Variants in MTFMT observed in about 807,000 individuals in gnomAD.
MTFMT encodes methionyl-tRNA formyltransferase, mitochondrial.
MTFMT carries 47 observed loss-of-function variants against 51.8 expected under a neutral mutation model. That is an observed-to-expected ratio of 0.91 (90% CI 0.72 to 1.16). The LOEUF is 1.16. Among genes scored for constraint, MTFMT ranks in the 50% most tolerant of loss-of-function variants. The pLI is 0.00. For synonymous variants in MTFMT, 196 were observed against 176.7 expected (o/e 1.11, Z -0.87); for missense variants, 512 against 482.3 (o/e 1.06, Z -0.58).
rs539067386 is a variant in MTFMT at position 65,018,195 on chromosome 15, T to C, written c.722-1668A>G. On this transcript the variant is annotated intron_variant, in intron 5 of 8. Transcript: ENST00000220058. The stretch of plus-strand genomic sequence containing the variant: ...AAAAAAAACAACTGAAACTTAACTA[T>C]GTATGAAACTAGGTAACAAAACCAC... 7.3e-5 allele frequency among the ~76,000 whole-genome samples: 11 copies of C among 151,322 alleles called. 1 individual carries two copies. In the Middle Eastern group the frequency reaches 0.014, roughly 187 times the overall value.
At chr15:65,018,353 T>C (rs2086341481) in intron 5 of MTFMT, among the ~76,000 whole-genome samples, 1 of 152,212 alleles carries the variant, frequency 6.6e-6, no homozygotes. Flanking sequence ...TTACTCTTAG[T>C]AGTAATATTG....
chr15:65,003,866 A>AAAAAAAAAAAAAAAAAAAAAAAT, intron 8 of MTFMT, among the ~76,000 whole-genome samples: 1 of 147,852 alleles, frequency 6.8e-6, no homozygotes, highest in Non-Finnish European at 1.5e-5. Flanking sequence ...AAAAAAAAAA[A>AAAAAAAAAAAAAAAAAAAAAAAT]GGGAAATACA....
Position 65,004,890 on chromosome 15 carries a change from G to A in MTFMT, c.939C>T (p.Tyr313=). ...GQALIPGSVI[Y]HKQSQILLVY... ...CCAATAGTATTTGTGACTGTTTGTG[G>A]TATATTACTGATCCTGGAATAAGAG... The change falls in exon 8 of 9, where the codon TAC becomes TAT. Residue 313 remains tyrosine, a synonymous_variant. Transcript: ENST00000220058. 3 of 1,611,116 alleles carry A rather than the reference G, an allele frequency of 1.9e-6. No homozygotes were observed. The highest frequency in any genetic ancestry group is 2.5e-6 in the Non-Finnish European group (3 of 1,177,984).
At chr15:65,010,317 T>C (rs923646275) in intron 6 of MTFMT, among the ~76,000 whole-genome samples, 2 of 151,938 alleles carry the variant, frequency 1.3e-5, no homozygotes, top group Non-Finnish European at 2.9e-5. Flanking sequence ...CACTCGTTTT[T>C]TTCTTGCCTA....
At chr15:65,028,296 GTC>G (rs1192667817) in intron 1 of MTFMT, among the ~76,000 whole-genome samples, 1 of 152,182 alleles carries the variant, frequency 6.6e-6, no homozygotes, top group Non-Finnish European at 1.5e-5. Context: ...CACGCCCGTA[GTC>G]CTAGCTACTC....
intron 8 of MTFMT, among the ~76,000 whole-genome samples, chr15:65,004,617 A>C (rs903197076): frequency 5.3e-5 from 8 of 152,224 alleles, no homozygotes; most frequent in African/African-American, 1.9e-4. Flanking sequence ...TGTTCTTTTA[A>C]GAAAGCACTC....
chr15:65,003,698 A>T (rs2086196699), intron 8 of MTFMT, among the ~76,000 whole-genome samples: 1 of 151,936 alleles, frequency 6.6e-6, no homozygotes, highest in South Asian at 2.1e-4. Flanking sequence ...CCTTACAAAA[A>T]TACAAAAATT....
At chr15:65,012,812 T>C (rs1444374446) in intron 6 of MTFMT, among the ~76,000 whole-genome samples, 1 of 152,226 alleles carries the variant, frequency 6.6e-6, no homozygotes, top group Non-Finnish European at 1.5e-5. Context: ...CCTCCAATTT[T>C]GTTAGTTTTG....
intron 6 of MTFMT, among the ~76,000 whole-genome samples, chr15:65,007,090 C>A (rs1375401630): frequency 6.6e-6 from 1 of 152,200 alleles, no homozygotes; most frequent in East Asian, 1.9e-4. Context: ...GGTGGAGCCA[C>A]CAGGAATTTC....
chr15:65,002,415 A>G lies in MTFMT; in HGVS notation c.*647T>C, dbSNP rs959766326. ...AAGACTCCGTCTCAAAAAAATAAAA[A>G]TAAAAACAAAAAACCTCTTCTCAGT... is the stretch of plus-strand genomic sequence containing the variant. On this transcript the variant is annotated 3_prime_UTR_variant, in exon 9 of 9. Coordinates refer to ENST00000220058, the MANE Select transcript of MTFMT (RefSeq NM_139242.4). 2 of 152,138 alleles carry G rather than the reference A, an allele frequency of 1.3e-5. No homozygotes were observed. The highest frequency in any genetic ancestry group is 1.3e-4 in the Admixed American group (2 of 15,262). The allele number at this position is 152,138 out of a possible 1,614,324, so 9.4% of individuals were successfully genotyped here. A position where few individuals can be genotyped will look rare whatever the true frequency, so the allele number is the denominator to read the frequency against.
intron 4 of MTFMT, among the ~76,000 whole-genome samples, 183 bp downstream of exon 4, chr15:65,021,331 T>G (rs1193531443): frequency 6.6e-6 from 1 of 152,282 alleles, no homozygotes; most frequent in African/African-American, 2.4e-5. Flanking sequence ...ACTTACTCTT[T>G]GTAAATTCTC....
chr15:65,013,661 G>A (rs1167589829), intron 6 of MTFMT, among the ~76,000 whole-genome samples: 3 of 152,046 alleles, frequency 2.0e-5, no homozygotes, highest in Non-Finnish European at 4.4e-5. Context: ...ATCCCACTTG[G>A]GGCAGGGTGT....
chr15:65,009,106 G>A (rs1237941176), intron 6 of MTFMT, among the ~76,000 whole-genome samples: 1 of 152,154 alleles, frequency 6.6e-6, no homozygotes, highest in African/African-American at 2.4e-5. Context: ...CACTTTAGAG[G>A]TAAAAAAAGC....
intron 2 of MTFMT, among the ~76,000 whole-genome samples, chr15:65,024,691 C>G (rs1595892887): frequency 6.7e-6 from 1 of 148,648 alleles, no homozygotes; most frequent in Non-Finnish European, 1.5e-5. Flanking sequence ...GTGAACCAGA[C>G]AGAAAAAAAA....
chr15:65,015,250 C>T (rs1175772357), intron 6 of MTFMT, among the ~76,000 whole-genome samples: 2 of 152,054 alleles, frequency 1.3e-5, no homozygotes, highest in Non-Finnish European at 2.9e-5. Context: ...GCCCTATGGT[C>T]CTTGTTTCCT....
chr15:65,020,406 T>C, intron 4 of MTFMT, 134 bp from the exon 5 acceptor site: 1 of 745,152 alleles, frequency 1.3e-6, no homozygotes, highest in South Asian at 1.9e-5. Context: ...AAAAAAAAAA[T>C]CTTTACTATT....
At position 65,002,901 on chromosome 15, in the gene MTFMT, T is replaced by A; in HGVS notation, c.*161A>T. On this transcript the variant is annotated 3_prime_UTR_variant, in exon 9 of 9. Transcript: ENST00000220058. The stretch of plus-strand genomic sequence containing the variant: ...TTGCTTGAACCTGGGAGGCGGAGGT[T>A]GCAGTGAGCTGAGATAGTGCCACTG... 1 of 413,284 alleles carries A rather than the reference T, an allele frequency of 2.4e-6. No individual in the cohort carries two copies. Among genetic ancestry groups the A allele is most frequent in the Non-Finnish European group, 4.1e-6 (1 of 244,264 alleles). The allele number at this position is 413,284 out of a possible 1,614,324, so 25.6% of individuals were successfully genotyped here. A position where few individuals can be genotyped will look rare whatever the true frequency, so the allele number is the denominator to read the frequency against.
intron 2 of MTFMT, 160 bp downstream of exon 2, chr15:65,026,671 C>A: frequency 1.5e-6 from 1 of 661,480 alleles, no homozygotes; most frequent in Non-Finnish European, 2.5e-6. Flanking sequence ...CAGAGAAATT[C>A]ATTGACTTTA....
chr15:65,019,879 TAATA>T (rs2086356541), intron 5 of MTFMT, among the ~76,000 whole-genome samples: 1 of 152,138 alleles, frequency 6.6e-6, no homozygotes, highest in African/African-American at 2.4e-5. Context: ...AAAATACACG[TAATA>T]AATACATAAA....
Sources: gnomAD v4.1 joint callset for allele counts (sites outside exome capture counted in the v4.1 genomes callset) on GRCh38, gnomAD v4.1.1 for gene constraint, MANE v1.5 for transcripts, NCBI Gene and HGNC (gene_info 2026-07-23, HGNC 2026-07-21) for gene names.